Variants in NCOR2 observed in about 807,000 individuals in gnomAD.
The protein encoded by NCOR2 is nuclear receptor corepressor 2, also known as CTG repeat protein 26.
NCOR2 carries 81 observed loss-of-function variants against 262.9 expected under a neutral mutation model. The observed-to-expected ratio is 0.31, with a 90% CI of 0.26 to 0.37. The LOEUF (loss-of-function observed/expected upper bound fraction) is 0.37. Among genes scored for constraint, NCOR2 ranks in the 10% least tolerant of loss-of-function variants. NCOR2 has a pLI of 1.00. For missense variants in NCOR2, 3,385 were observed against 3,621.4 expected (o/e 0.93, Z 1.68); for synonymous variants, 1,659 against 1,559.3 (o/e 1.06, Z -1.51).
At chr12:124,328,707 G>A (rs886441780) in intron 44 of NCOR2, 47 of 164,456 alleles carry the variant, frequency 2.9e-4, no homozygotes, top group African/African-American at 9.6e-4. Flanking sequence ...CTTCTGCTCC[G>A]AATGAATCAT....
At chr12:124,515,932 TCTC>T (rs1257484496) in intron 1 of NCOR2, among the ~76,000 whole-genome samples, 5 of 152,084 alleles carry the variant, frequency 3.3e-5, no homozygotes, top group Non-Finnish European at 7.4e-5. Flanking sequence ...CCAGGACTCT[TCTC>T]CACCGGGTAG....
chr12:124,549,661 C>T lies in NCOR2; in HGVS notation c.-164-14050G>A, dbSNP rs983512525. On this transcript the variant is annotated intron_variant, in intron 1 of 32. Coordinates refer to the NCOR2 transcript ENST00000458234. This position sits in a 1 kb window ranked among gnomAD's most constrained non-coding sequence, Gnocchi z 4.4. ...GCAACCCAGGAGGTAAATGCTATTA[C>T]GAACACCCTTCTCCAGATGGGGAAA... Among the ~76,000 whole-genome samples the T allele has an allele frequency of 6.6e-6, 1 of 152,274 alleles. No individual in the cohort carries two copies. The highest frequency in any genetic ancestry group is 2.4e-5 in the African/African-American group (1 of 41,550).
At chr12:124,538,731 C>T, upstream of NCOR2, 1 of 154,126 alleles carries the variant, frequency 6.5e-6, no homozygotes, top group Non-Finnish European at 1.4e-5. Context: ...GGGAGAGGGG[C>T]TGGCATGGAG....
intron 22 of NCOR2, among the ~76,000 whole-genome samples, chr12:124,358,105 A>G (rs199741039): frequency 3.3e-5 from 3 of 90,276 alleles, no homozygotes; most frequent in African/African-American, 4.2e-5. Context: ...GCGCGCGCGC[A>G]CGTGCGTGCG....
At chr12:124,335,212 A>G (rs781375072) in exon 40 of NCOR2, 1 of 1,610,850 alleles carries the variant, frequency 6.2e-7, no homozygotes, top group Non-Finnish European at 8.5e-7. Flanking sequence ...GGGCTGGACG[A>G]GGGCTGGCTC....
chr12:124,416,572 C>T (rs1254676281), intron 13 of NCOR2, among the ~76,000 whole-genome samples: 1 of 150,082 alleles, frequency 6.7e-6, no homozygotes, highest in African/African-American at 2.5e-5. Flanking sequence ...CAGATAGACC[C>T]CGCGGCACAG....
intron 27 of NCOR2, among the ~76,000 whole-genome samples, chr12:124,353,321 T>C (rs2037663053): frequency 6.6e-6 from 1 of 152,238 alleles, no homozygotes; most frequent in East Asian, 1.9e-4. Flanking sequence ...GCCTGACTTT[T>C]GTCCAAAGCA....
At chr12:124,346,478 C>T (rs767459471) in intron 31 of NCOR2, 86 bp downstream of exon 33, 15 of 1,347,992 alleles carry the variant, frequency 1.1e-5, no homozygotes, top group Admixed American at 3.2e-5. Flanking sequence ...CCTCGGTTTC[C>T]CCATGTGGAG....
chr12:124,484,923 C>T (rs1447705867), intron 2 of NCOR2, among the ~76,000 whole-genome samples: 1 of 152,240 alleles, frequency 6.6e-6, no homozygotes, highest in Non-Finnish European at 1.5e-5. Context: ...GAATGCTGCC[C>T]ACTGCAGCAC....
At chr12:124,410,944 G>A (rs1241191552) in intron 13 of NCOR2, among the ~76,000 whole-genome samples, 1 of 151,634 alleles carries the variant, frequency 6.6e-6, no homozygotes, top group African/African-American at 2.4e-5. Context: ...GTAGTGGGAG[G>A]GAGGAGAGAG....
At chr12:124,348,644 C>T in intron 28 of NCOR2, 1 of 382,456 alleles carries the variant, frequency 2.6e-6, no homozygotes, top group Non-Finnish European at 4.7e-6. Context: ...TGTGTCCACA[C>T]CCACGGGTGC....
intron 8 of NCOR2, among the ~76,000 whole-genome samples, chr12:124,436,176 C>T (rs2044327070): frequency 6.6e-6 from 1 of 152,250 alleles, no homozygotes; most frequent in Non-Finnish European, 1.5e-5. Context: ...AGCTAACACC[C>T]TGTCCCGGCC....
At chr12:124,532,446 G>A (rs1374095851) in intron 1 of NCOR2, among the ~76,000 whole-genome samples, 3 of 152,324 alleles carry the variant, frequency 2.0e-5, no homozygotes, top group South Asian at 2.1e-4. Flanking sequence ...CCCCCAGACA[G>A]GCCTTGCCTT....
At chr12:124,335,306 G>C in intron 39 of NCOR2, 26 bp from the exon 42 acceptor site, 2 of 1,556,104 alleles carry the variant, frequency 1.3e-6, no homozygotes, top group Non-Finnish European at 1.7e-6. Flanking sequence ...AGCTGGTCAG[G>C]GGGTGTCTGC....
intron 26 of NCOR2, 95 bp downstream of exon 28, chr12:124,354,383 A>G: frequency 7.9e-7 from 1 of 1,259,152 alleles, no homozygotes; most frequent in Non-Finnish European, 1.1e-6. Flanking sequence ...ACCCTCTGGG[A>G]GATGACACTT....
intron 10 of NCOR2, among the ~76,000 whole-genome samples, chr12:124,428,090 C>CGTGT (rs1412280487): frequency 5.9e-4 from 82 of 138,184 alleles, no homozygotes; most frequent in African/African-American, 2.3e-3. Flanking sequence ...TGTGTGTGTA[C>CGTGT]ATGCAACAAT....
chr12:124,392,424 G>A (rs1348351000), intron 16 of NCOR2, among the ~76,000 whole-genome samples: 4 of 152,108 alleles, frequency 2.6e-5, no homozygotes, highest in Non-Finnish European at 4.4e-5. Flanking sequence ...CAGACCACAC[G>A]TGGTGACAGT....
chr12:124,356,200 A>G (rs901532641), intron 23 of NCOR2, among the ~76,000 whole-genome samples: 2 of 152,172 alleles, frequency 1.3e-5, no homozygotes, highest in East Asian at 1.9e-4. Flanking sequence ...CTTTACCAAC[A>G]GCAGTCTGTA....
intron 8 of NCOR2, among the ~76,000 whole-genome samples, chr12:124,431,691 CAT>C (rs1449184838): frequency 2.0e-5 from 3 of 151,338 alleles, no homozygotes; most frequent in East Asian, 3.9e-4. Context: ...GATACACACA[CAT>C]ACAGTCACAG....
Sources: gnomAD v4.1 joint callset for allele counts (sites outside exome capture counted in the v4.1 genomes callset) on GRCh38, gnomAD v4.1.1 for gene constraint, Gnocchi (gnomAD v3.1) non-coding constraint, MANE v1.5 for transcripts, NCBI Gene and HGNC (gene_info 2026-07-23, HGNC 2026-07-21) for gene names.